The following QTMAN variants were observed in gnomAD, a reference collection of about 807,000 sequenced individuals.
QTMAN encodes queuosine-tRNA mannosyltransferase, also known as tRNA-queuosine alpha-mannosyltransferase.
At chr2:144,084,593 T>G in the QTMAN span, among the ~76,000 whole-genome samples, 1 of 152,212 alleles carries the variant, frequency 6.6e-6, no homozygotes, top group South Asian at 2.1e-4. Flanking sequence ...AGTCATCTCC[T>G]TCTCAGATTT....
the QTMAN span, chr2:143,970,822 G>T: frequency 1.1e-6 from 1 of 929,952 alleles, no homozygotes; most frequent in Non-Finnish European, 1.8e-6. Context: ...TAGGAAAAGT[G>T]GTTTCACTTC....
chr2:144,058,708 C>T, the QTMAN span, among the ~76,000 whole-genome samples: 120 of 152,288 alleles, frequency 7.9e-4, no homozygotes, highest in African/African-American at 2.8e-3. Flanking sequence ...ACTCCTAGTT[C>T]CAATTCTTGA....
chr2:144,153,110 A>C, the QTMAN span, among the ~76,000 whole-genome samples: 1 of 152,194 alleles, frequency 6.6e-6, no homozygotes, highest in Non-Finnish European at 1.5e-5. Context: ...GTTTGGAAAA[A>C]AATGAATAAT....
At chr2:144,172,621 C>CAA in the QTMAN span, among the ~76,000 whole-genome samples, 226 of 49,510 alleles carry the variant, frequency 4.6e-3, no homozygotes, top group Non-Finnish European at 5.4e-3. Flanking sequence ...AAGACTCTGT[C>CAA]AAAAAAAAAA....
At chr2:144,322,128 T>C in the QTMAN span, among the ~76,000 whole-genome samples, 2 of 152,338 alleles carry the variant, frequency 1.3e-5, no homozygotes, top group African/African-American at 4.8e-5. Flanking sequence ...ACTAGAGGCA[T>C]GTTAAGTCCA....
At chr2:144,111,793 C>T in the QTMAN span, among the ~76,000 whole-genome samples, 2 of 152,282 alleles carry the variant, frequency 1.3e-5, no homozygotes, top group Admixed American at 6.5e-5. Context: ...GACAGAGGAA[C>T]CGCTCTTATA....
At chr2:144,168,994 G>C in the QTMAN span, among the ~76,000 whole-genome samples, 1 of 152,012 alleles carries the variant, frequency 6.6e-6, no homozygotes, top group African/African-American at 2.4e-5. Flanking sequence ...TTTACTGAGG[G>C]ATGATCCATG....
chr2:144,331,960 C>G, the QTMAN span, among the ~76,000 whole-genome samples: 1,123 of 152,338 alleles, frequency 7.4e-3, 10 homozygotes, highest in African/African-American at 0.026. Context: ...AAGCGCCGGG[C>G]AGCCTGGTGG....
At chr2:144,031,376 G>A in the QTMAN span, among the ~76,000 whole-genome samples, 2 of 152,046 alleles carry the variant, frequency 1.3e-5, no homozygotes, top group Non-Finnish European at 1.5e-5. Flanking sequence ...GCAAACAGGT[G>A]GCTACATAGA....
the QTMAN span, among the ~76,000 whole-genome samples, chr2:144,127,099 C>T: frequency 1.3e-5 from 2 of 151,898 alleles, no homozygotes; most frequent in Non-Finnish European, 2.9e-5. Flanking sequence ...CACCCTCAAC[C>T]CAACCCGCAC....
the QTMAN span, among the ~76,000 whole-genome samples, chr2:144,160,354 T>A: frequency 0.011 from 1,670 of 152,222 alleles, 31 homozygotes; most frequent in African/African-American, 0.038. Context: ...AAAAATAATA[T>A]TATCCTTTAT....
the QTMAN span, among the ~76,000 whole-genome samples, chr2:143,982,798 G>A: frequency 1.1e-3 from 159 of 146,724 alleles, no homozygotes; most frequent in African/African-American, 3.8e-3. Context: ...AGGTTGCAGC[G>A]AGCTGAGATC....
the QTMAN span, among the ~76,000 whole-genome samples, chr2:144,024,241 A>G: frequency 2.6e-5 from 4 of 152,262 alleles, no homozygotes; most frequent in African/African-American, 9.6e-5. Context: ...ATAGGACTCG[A>G]ATTAAAACAA....
the QTMAN span, among the ~76,000 whole-genome samples, chr2:143,987,649 C>T: frequency 6.6e-6 from 1 of 152,318 alleles, no homozygotes; most frequent in South Asian, 2.1e-4. Context: ...TGCTTCCTCT[C>T]TTGGTATTTC....
the QTMAN span, among the ~76,000 whole-genome samples, chr2:143,988,010 G>A: frequency 6.6e-6 from 1 of 152,206 alleles, no homozygotes; most frequent in Admixed American, 6.5e-5. Context: ...CAGTTTGATG[G>A]AAGAGTGACC....
At chr2:144,036,694 A>G in the QTMAN span, among the ~76,000 whole-genome samples, 1 of 152,178 alleles carries the variant, frequency 6.6e-6, no homozygotes, top group Non-Finnish European at 1.5e-5. Flanking sequence ...GTAACATTAT[A>G]TTTTAAAGGA....
the QTMAN span, chr2:143,957,313 A>G: frequency 6.2e-7 from 1 of 1,601,044 alleles, no homozygotes; most frequent in Non-Finnish European, 8.5e-7. Flanking sequence ...GAAGATCCCA[A>G]TGCCTTTTTG....
chr2:144,160,667 C>T, the QTMAN span, among the ~76,000 whole-genome samples: 1 of 152,054 alleles, frequency 6.6e-6, no homozygotes, highest in Admixed American at 6.6e-5. Context: ...GATCAAGATG[C>T]CTAACAAAGC....
At chr2:144,251,991 T>C in the QTMAN span, among the ~76,000 whole-genome samples, 1 of 151,216 alleles carries the variant, frequency 6.6e-6, no homozygotes, top group African/African-American at 2.4e-5. Context: ...AGGGCAGGAG[T>C]TGGAGACCAG....
Sources: allele counts gnomAD v4.1 joint callset (sites outside exome capture counted in the v4.1 genomes callset), GRCh38; gene constraint gnomAD v4.1.1; transcripts MANE v1.5; gene names NCBI Gene and HGNC (gene_info 2026-07-23, HGNC 2026-07-21).